Variants in EXOC5 observed in about 807,000 individuals in gnomAD.
The protein encoded by EXOC5 is exocyst complex component 5.
Under a neutral mutation model 90.8 loss-of-function variants are expected in EXOC5, and 17 were observed. The observed-to-expected ratio is 0.19, with a 90% CI of 0.13 to 0.28. EXOC5 has a LOEUF of 0.28. EXOC5 is among the 10% of genes least tolerant of loss of function. The pLI, the probability that EXOC5 is intolerant of heterozygous loss-of-function variation, is 1.00. For synonymous variants in EXOC5, 260 were observed against 270.0 expected (o/e 0.96, Z 0.36); for missense variants, 569 against 830.6 (o/e 0.69, Z 3.87).
In EXOC5 at chr14:57,202,060, A is replaced by G. The variant is rs1882524437; in HGVS notation, c.*6549T>C. 6.6e-6 allele frequency: 1 copy of G among 152,156 alleles called. No homozygotes were observed. Among genetic ancestry groups the G allele is most frequent in the African/African-American group, 2.4e-5 (1 of 41,452 alleles). 9.4% of individuals were successfully genotyped at this position (152,156 alleles called of 1,614,324 possible). A position where few individuals can be genotyped will look rare whatever the true frequency, so the allele number is the denominator to read the frequency against. On this transcript the variant is annotated 3_prime_UTR_variant, in exon 18 of 18. Coordinates refer to ENST00000621441, the MANE Select transcript of EXOC5 (RefSeq NM_006544.4). The stretch of plus-strand genomic sequence containing the variant: ...GAAATGGGGCAAATTGAAATTGTGT[A>G]CTATGTGATAGGATGCAACAATAAC...
intron 1 of EXOC5, among the ~76,000 whole-genome samples, chr14:57,260,144 A>AT (rs1315026419): frequency 6.6e-6 from 1 of 152,264 alleles, no homozygotes; most frequent in East Asian, 1.9e-4. Flanking sequence ...ATTTTCTTTG[A>AT]TTTTTCAGTG....
intron 14 of EXOC5, 136 bp from the exon 15 acceptor site, chr14:57,218,204 A>C: frequency 2.1e-6 from 1 of 482,132 alleles, no homozygotes; most frequent in Non-Finnish European, 3.7e-6. Context: ...TTGTTAACAA[A>C]TCCAAGAAGC....
At chr14:57,263,739 TAAA>T (rs550651836) in intron 1 of EXOC5, among the ~76,000 whole-genome samples, 33 of 39,352 alleles carry the variant, frequency 8.4e-4, no homozygotes, top group African/African-American at 2.1e-3. Flanking sequence ...CACTCCAGCC[TAAA>T]AAAAAAAAAA....
At chr14:57,236,094 T>C (rs1704111565) in intron 6 of EXOC5, among the ~76,000 whole-genome samples, 1 of 152,046 alleles carries the variant, frequency 6.6e-6, no homozygotes, top group South Asian at 2.1e-4. Flanking sequence ...AACCAGTAGC[T>C]GACTGGAAAA....
At position 57,205,548 on chromosome 14, in the gene EXOC5, G is replaced by A; in HGVS notation, c.*3061C>T. The A allele has an allele frequency of 3.6e-6, 1 of 276,574 alleles. No homozygotes were observed. The highest frequency in any genetic ancestry group is 6.9e-6 in the Non-Finnish European group (1 of 144,014). The allele number at this position is 276,574 out of a possible 1,614,324, so 17.1% of individuals were successfully genotyped here. ...ACCTTAGGTACTTGACCACTTTAAGGGGTTTTGTGGCATTTCAAAAATCAA... is the reference window on the plus strand; with the variant it reads ...ACCTTAGGTACTTGACCACTTTAAGAGGTTTTGTGGCATTTCAAAAATCAA... On this transcript the variant is annotated 3_prime_UTR_variant, in exon 18 of 18. Transcript: ENST00000621441.
intron 15 of EXOC5, among the ~76,000 whole-genome samples, chr14:57,215,299 T>A (rs896735229): frequency 6.6e-6 from 1 of 151,828 alleles, no homozygotes; most frequent in Admixed American, 6.6e-5. Context: ...ATGGAAGAAC[T>A]GATTACACTT....
chr14:57,223,661 G>A (rs1412580118), intron 12 of EXOC5, among the ~76,000 whole-genome samples: 1 of 152,018 alleles, frequency 6.6e-6, no homozygotes, highest in Non-Finnish European at 1.5e-5. Context: ...ATAGACAGAA[G>A]AGGCAGATGG....
rs1882529805 is a variant in EXOC5, at chr14:57,202,217, A to ATT, written c.*6391_*6392insAA. The ATT allele has an allele frequency of 6.6e-6, 1 of 152,158 alleles. No individual in the cohort carries two copies. Among genetic ancestry groups the ATT allele is most frequent in the African/African-American group, 2.4e-5 (1 of 41,444 alleles). The allele number at this position is 152,158 out of a possible 1,614,324, so 9.4% of individuals were successfully genotyped here. A position where few individuals can be genotyped will look rare whatever the true frequency, so the allele number is the denominator to read the frequency against. ...ATCTATAAAAATGTCCAGAGTCAAA[A>ATT]AAGTCAAGGAAAGACTGTGGAACTG... On this transcript the variant is annotated 3_prime_UTR_variant, in exon 18 of 18. Coordinates refer to ENST00000621441, the MANE Select transcript of EXOC5 (RefSeq NM_006544.4).
intron 1 of EXOC5, among the ~76,000 whole-genome samples, chr14:57,251,461 C>G (rs1884190184): frequency 6.6e-6 from 1 of 152,008 alleles, no homozygotes; most frequent in Non-Finnish European, 1.5e-5. Context: ...GAAGAAATTA[C>G]AAGGGAAATT....
intron 1 of EXOC5, among the ~76,000 whole-genome samples, chr14:57,267,646 C>T (rs1482714865): frequency 2.0e-5 from 3 of 152,138 alleles, no homozygotes; most frequent in Non-Finnish European, 4.4e-5. Context: ...TTCTTTCACA[C>T]AAGGAGATGC....
intron 15 of EXOC5, among the ~76,000 whole-genome samples, chr14:57,217,113 G>A (rs1594650215): frequency 6.6e-6 from 1 of 152,158 alleles, no homozygotes; most frequent in Admixed American, 6.5e-5. Flanking sequence ...GATAACAAGC[G>A]TTGTCAAGAA....
At chr14:57,249,924 C>A (rs534619463) in intron 1 of EXOC5, among the ~76,000 whole-genome samples, 1 of 152,120 alleles carries the variant, frequency 6.6e-6, no homozygotes, top group Admixed American at 6.6e-5. Context: ...AGGCATGCAC[C>A]ACTATGCTTG....
In EXOC5 at chr14:57,209,989, T is replaced by A; in HGVS notation, c.1686A>T (p.Pro562=). 6.3e-7 allele frequency: 1 copy of A among 1,588,158 alleles called. No individual in the cohort carries two copies. Among genetic ancestry groups the A allele is most frequent in the Non-Finnish European group, 8.6e-7 (1 of 1,160,334 alleles). The part of the protein sequence containing the change: ...AAEQKKTDFK[P]EDENNVLIQY... Reference sequence around the variant, plus strand: ...GAATCAAAACATTGTTTTCATCTTCTGGCTTAAAATCTGTTTTCTTCTGTT... The same window carrying A: ...GAATCAAAACATTGTTTTCATCTTCAGGCTTAAAATCTGTTTTCTTCTGTT... The change falls in exon 16 of 18, where the codon CCA becomes CCT. Residue 562 remains proline, a synonymous_variant. Transcript: ENST00000621441.
At chr14:57,231,454 GAA>G (rs1462911091) in intron 11 of EXOC5, 50 bp downstream of exon 11, 3 of 1,242,324 alleles carry the variant, frequency 2.4e-6, no homozygotes, top group East Asian at 2.4e-5. Context: ...CAAATATAAT[GAA>G]GTTATTAATG....
At chr14:57,241,179 T>A (rs1024906853) in intron 4 of EXOC5, among the ~76,000 whole-genome samples, 1 of 152,136 alleles carries the variant, frequency 6.6e-6, no homozygotes, top group Non-Finnish European at 1.5e-5. Flanking sequence ...TAAGTAGGCA[T>A]GTGAACTCTG....
intron 5 of EXOC5, among the ~76,000 whole-genome samples, chr14:57,238,968 T>TA (rs1883767539): frequency 6.6e-6 from 1 of 152,102 alleles, no homozygotes; most frequent in Non-Finnish European, 1.5e-5. Context: ...GAAGAAATCA[T>TA]GAAAAAATTT....
At chr14:57,258,867 A>G (rs991950867) in intron 1 of EXOC5, among the ~76,000 whole-genome samples, 2 of 152,188 alleles carry the variant, frequency 1.3e-5, no homozygotes, top group Admixed American at 6.5e-5. Context: ...CAAAAACTCA[A>G]AGAAGCTAGG....
rs1594675624 is a variant in EXOC5 at position 57,247,644 on chromosome 14, A to C, written c.96T>G (p.Gly32=). Residue 32 remains glycine (G), a synonymous_variant, in exon 2 of 18, where the codon GGT becomes GGG. Transcript: ENST00000621441. ...TTTTAGGATCAAAAGCTTCAGGTCCACCTCTAGAGCCTCCTCCTGGGGTTC... is the reference window on the plus strand; with the variant it reads ...TTTTAGGATCAAAAGCTTCAGGTCCCCCTCTAGAGCCTCCTCCTGGGGTTC... ...VWRTPGGGSR[G]GPEAFDPKRL... 1.3e-6 allele frequency: 2 copies of C among 1,563,116 alleles called. No homozygotes were observed. The highest frequency in any genetic ancestry group is 1.2e-5 in the South Asian group (1 of 84,154).
chr14:57,235,904 T>C (rs551272970), intron 6 of EXOC5, 84 bp from the exon 7 acceptor site: 4 of 707,808 alleles, frequency 5.7e-6, no homozygotes, highest in African/African-American at 5.3e-5. Flanking sequence ...ACAAATATAA[T>C]GACTATGAAT....
Sources: gnomAD v4.1 joint callset for allele counts (sites outside exome capture counted in the v4.1 genomes callset) on GRCh38, gnomAD v4.1.1 for gene constraint, MANE v1.5 for transcripts, NCBI Gene and HGNC (gene_info 2026-07-23, HGNC 2026-07-21) for gene names.